Variants in MAN1C1 observed in about 807,000 individuals in gnomAD.
MAN1C1 encodes the protein mannosyl-oligosaccharide 1,2-alpha-mannosidase IC.
MAN1C1 carries 49 observed loss-of-function variants against 71.5 expected under a neutral mutation model. The ratio of observed to expected loss-of-function variants is 0.69; its 90% CI spans 0.54 to 0.87. The LOEUF is 0.87. Ranked by LOEUF, MAN1C1 falls within the 40% of genes least tolerant of loss-of-function variation. The pLI, the probability that MAN1C1 is intolerant of heterozygous loss-of-function variation, is 0.00. For missense variants in MAN1C1, 743 were observed against 835.0 expected (o/e 0.89, Z 1.36); for synonymous variants, 352 against 343.7 (o/e 1.02, Z -0.27).
intron 6 of MAN1C1, among the ~76,000 whole-genome samples, chr1:25,761,917 C>T (rs2047365606): frequency 1.3e-5 from 2 of 151,992 alleles, no homozygotes; most frequent in African/African-American, 4.8e-5. Flanking sequence ...GCCACTGCAC[C>T]CAGCCTCTAC....
intron 2 of MAN1C1, among the ~76,000 whole-genome samples, chr1:25,729,704 G>T (rs1021588216): frequency 2.6e-5 from 4 of 152,038 alleles, no homozygotes; most frequent in African/African-American, 9.7e-5. Flanking sequence ...TAGAGACAGG[G>T]TGTCACCATG....
chr1:25,745,709 G>A (rs2047119362), intron 2 of MAN1C1, among the ~76,000 whole-genome samples: 1 of 152,164 alleles, frequency 6.6e-6, no homozygotes, highest in Admixed American at 6.5e-5. Flanking sequence ...TGATTTTTGG[G>A]CCAGGTGCAG....
At chr1:25,770,998 A>T (rs11808064) in intron 7 of MAN1C1, among the ~76,000 whole-genome samples, 5,532 of 152,182 alleles carry the variant, frequency 0.036, 336 homozygotes, top group African/African-American at 0.12. Context: ...TCCTCCTGGG[A>T]CGGCCCTGGG....
intron 2 of MAN1C1, among the ~76,000 whole-genome samples, chr1:25,690,533 T>C (rs2046294720): frequency 6.6e-6 from 1 of 152,202 alleles, no homozygotes; most frequent in African/African-American, 2.4e-5. Flanking sequence ...CCTTGTGATC[T>C]TCCCTCCTCG....
intron 1 of MAN1C1, chr1:25,644,516 ATATTTTTTTT>A (rs2045585353): frequency 1.4e-5 from 1 of 72,340 alleles, no homozygotes; most frequent in South Asian, 3.9e-4. Context: ...ATATATATAT[ATATTTTTTTT>A]TTTTTTTTTT....
At chr1:25,720,410 C>T (rs1193904548) in intron 2 of MAN1C1, among the ~76,000 whole-genome samples, 1 of 151,994 alleles carries the variant, frequency 6.6e-6, no homozygotes, top group East Asian at 1.9e-4. Flanking sequence ...GGGGTTTTGC[C>T]ACGTTGGCCA....
chr1:25,632,585 A>G (rs1053094374), intron 1 of MAN1C1, among the ~76,000 whole-genome samples: 1 of 152,004 alleles, frequency 6.6e-6, no homozygotes, highest in African/African-American at 2.4e-5. Flanking sequence ...GAGGTGTAAC[A>G]TTAGGTTGTC....
At chr1:25,768,208 T>A (rs2047477256) in intron 7 of MAN1C1, among the ~76,000 whole-genome samples, 1 of 96,122 alleles carries the variant, frequency 1.0e-5, no homozygotes, top group Non-Finnish European at 2.0e-5. Context: ...CACACTCCCC[T>A]CACACATACA....
intron 2 of MAN1C1, among the ~76,000 whole-genome samples, chr1:25,729,258 T>G (rs914687551): frequency 2.6e-5 from 4 of 152,244 alleles, no homozygotes; most frequent in Admixed American, 1.3e-4. Context: ...TGCTGTGCTC[T>G]CTGCCTGGAA....
At chr1:25,773,216 AAAGGATGAATGGAGGG>A (rs1458836585) in intron 8 of MAN1C1, among the ~76,000 whole-genome samples, 2 of 151,896 alleles carry the variant, frequency 1.3e-5, no homozygotes, top group Non-Finnish European at 2.9e-5. Context: ...ATGAATGCTG[AAAGGATGAATGGAGGG>A]AAGGATGGAT....
chr1:25,697,771 G>C (rs1328573072), intron 2 of MAN1C1, among the ~76,000 whole-genome samples: 1 of 152,208 alleles, frequency 6.6e-6, no homozygotes, highest in African/African-American at 2.4e-5. Context: ...GGGTCATACT[G>C]TATTGGTATG....
chr1:25,758,732 T>C (rs763572202), intron 6 of MAN1C1, 23 bp downstream of exon 6: 2 of 1,592,958 alleles, frequency 1.3e-6, no homozygotes, highest in Non-Finnish European at 1.7e-6. Context: ...CCCACCCTTC[T>C]TCCTGCGGAG....
At chr1:25,683,579 T>G (rs926197618) in intron 1 of MAN1C1, among the ~76,000 whole-genome samples, 8 of 151,716 alleles carry the variant, frequency 5.3e-5, no homozygotes, top group Non-Finnish European at 8.8e-5. Context: ...AAGGATGACT[T>G]CAGACTGGGA....
chr1:25,739,087 C>T (rs544203694), intron 2 of MAN1C1, among the ~76,000 whole-genome samples: 7 of 152,250 alleles, frequency 4.6e-5, no homozygotes, highest in African/African-American at 1.7e-4. Context: ...AAGCTATGAT[C>T]ACACCACTGC....
chr1:25,772,697 G>A (rs567034111), intron 8 of MAN1C1, among the ~76,000 whole-genome samples: 10 of 152,172 alleles, frequency 6.6e-5, no homozygotes, highest in East Asian at 1.9e-4. Context: ...AGCTGGACAC[G>A]CACATCCCTC....
At chr1:25,714,908 TGCAC>T (rs1241042412) in intron 2 of MAN1C1, among the ~76,000 whole-genome samples, 1 of 152,192 alleles carries the variant, frequency 6.6e-6, no homozygotes, top group Non-Finnish European at 1.5e-5. Context: ...TATGTTAGTC[TGCAC>T]TCTCCAGTTT....
rs545360146 is a variant in MAN1C1 at position 25,714,249 on chromosome 1, G to A, written c.637+27713G>A. On this transcript the variant is annotated intron_variant, in intron 2 of 11. Coordinates refer to ENST00000374332, the MANE Select transcript of MAN1C1 (RefSeq NM_020379.4). ...GGTAAATGGTCTTTAATTAAAGTCA[G>A]TCAGTTGTCTTGGATGGTTAGGGGA... is the stretch of plus-strand genomic sequence containing the variant. Among the ~76,000 whole-genome samples, 33 of 152,312 alleles carry A rather than the reference G, an allele frequency of 2.2e-4. No homozygotes were observed. In the Middle Eastern group the frequency reaches 0.01, roughly 47 times the overall value.
chr1:25,699,319 A>AAAG (rs1163629445), intron 2 of MAN1C1, among the ~76,000 whole-genome samples: 4 of 150,458 alleles, frequency 2.7e-5, no homozygotes, highest in East Asian at 1.9e-4. Flanking sequence ...AAAAAAAAAA[A>AAAG]AAGAAGAAGA....
chr1:25,627,190 A>G (rs1253864073), intron 1 of MAN1C1, among the ~76,000 whole-genome samples: 2 of 152,156 alleles, frequency 1.3e-5, no homozygotes, highest in African/African-American at 4.8e-5. Flanking sequence ...ACTATATACA[A>G]TATGGTTTTG....
Sources: allele counts gnomAD v4.1 joint callset (sites outside exome capture counted in the v4.1 genomes callset), GRCh38; gene constraint gnomAD v4.1.1; transcripts MANE v1.5; gene names NCBI Gene and HGNC (gene_info 2026-07-23, HGNC 2026-07-21).